Variants in CHCHD6 observed in about 807,000 individuals in gnomAD.
CHCHD6 encodes the protein coiled-coil-helix-coiled-coil-helix domain containing 6, also known as MICOS complex subunit MIC25.
Under a neutral mutation model 32.3 loss-of-function variants are expected in CHCHD6, and 28 were observed. The ratio of observed to expected loss-of-function variants is 0.87; its 90% CI spans 0.64 to 1.19. The LOEUF is 1.19. Among genes scored for constraint, CHCHD6 ranks in the 50% most tolerant of loss-of-function variants. The pLI, the probability that CHCHD6 is intolerant of heterozygous loss-of-function variation, is 0.00. For missense variants in CHCHD6, 333 were observed against 307.0 expected, an observed-to-expected ratio of 1.08 and a Z score of -0.63; for synonymous variants, 122 against 117.5, an observed-to-expected ratio of 1.04 and a Z score of -0.25.
intron 5 of CHCHD6, 24 bp downstream of exon 5, chr3:126,852,754 T>C (rs759215668): frequency 6.5e-7 from 1 of 1,538,772 alleles, no homozygotes; most frequent in South Asian, 1.1e-5. Flanking sequence ...TTGGCTGCAT[T>C]CCTCGGGGCC....
At chr3:126,934,524 C>G (rs932711973) in intron 6 of CHCHD6, among the ~76,000 whole-genome samples, 11 of 149,146 alleles carry the variant, frequency 7.4e-5, no homozygotes, top group Non-Finnish European at 1.5e-4. Flanking sequence ...GGAATGCACC[C>G]TCCCCTCTCT....
intron 7 of CHCHD6, among the ~76,000 whole-genome samples, chr3:126,958,471 A>G (rs2078817833): frequency 6.6e-6 from 1 of 152,220 alleles, no homozygotes; most frequent in African/African-American, 2.4e-5. Context: ...GGCTGAGGCC[A>G]GATGCTCTGT....
chr3:126,724,890 T>C, intron 1 of CHCHD6, among the ~76,000 whole-genome samples: 1 of 152,234 alleles, frequency 6.6e-6, no homozygotes, highest in Admixed American at 6.5e-5. Flanking sequence ...GATCCTGAGA[T>C]TGCAGCAATT....
Position 126,807,309 on chromosome 3 carries a change from T to C in CHCHD6, c.412-45338T>C, listed in dbSNP as rs1033379341. Among the ~76,000 whole-genome samples the C allele has an allele frequency of 4.6e-5, 7 of 152,192 alleles. No homozygotes were observed. In the South Asian group the frequency reaches 1.5e-3, roughly 32 times the overall value. On this transcript the variant is annotated intron_variant, in intron 4 of 7. Coordinates refer to ENST00000290913, the MANE Select transcript of CHCHD6 (RefSeq NM_032343.3). ...ATGCAGAGGAGCAGAAGAAAAAGTT[T>C]TTTTTCTTAAGTTAAATCCACAGAA...
chr3:126,817,255 C>A (rs1182932443), intron 4 of CHCHD6, among the ~76,000 whole-genome samples: 2 of 152,032 alleles, frequency 1.3e-5, no homozygotes, highest in African/African-American at 4.8e-5. Context: ...GCCAGCAGAT[C>A]CTTGTAGAAA....
intron 4 of CHCHD6, among the ~76,000 whole-genome samples, chr3:126,757,391 T>C (rs1465598405): frequency 6.6e-6 from 1 of 152,006 alleles, no homozygotes; most frequent in Non-Finnish European, 1.5e-5. Flanking sequence ...ACTAAAGCAG[T>C]GATGAGGTGG....
intron 4 of CHCHD6, among the ~76,000 whole-genome samples, chr3:126,780,686 C>T (rs1396036080): frequency 6.6e-6 from 1 of 152,166 alleles, no homozygotes; most frequent in Non-Finnish European, 1.5e-5. Flanking sequence ...GGTGCTGTTT[C>T]AGGCCTTTGG....
chr3:126,906,741 A>G (rs768015024), intron 5 of CHCHD6, among the ~76,000 whole-genome samples: 12 of 152,134 alleles, frequency 7.9e-5, no homozygotes, highest in Admixed American at 1.3e-4. Flanking sequence ...CCAGAGCGTT[A>G]GCTCTGTGAA....
intron 3 of CHCHD6, 119 bp downstream of exon 3, chr3:126,730,749 A>C: frequency 1.6e-5 from 12 of 762,836 alleles, no homozygotes; most frequent in Non-Finnish European, 2.4e-5. Flanking sequence ...AATTAATCTC[A>C]GTTGCATTGA....
intron 5 of CHCHD6, among the ~76,000 whole-genome samples, chr3:126,863,673 C>A (rs1942073009): frequency 6.8e-6 from 1 of 147,130 alleles, no homozygotes; most frequent in Non-Finnish European, 1.5e-5. Context: ...CCACCATCAC[C>A]ACCTCCTCCT....
intron 6 of CHCHD6, among the ~76,000 whole-genome samples, chr3:126,933,775 T>C (rs569798154): frequency 1.9e-4 from 29 of 152,346 alleles, no homozygotes; most frequent in Non-Finnish European, 4.0e-4. Context: ...ACATCAATTC[T>C]TCATTCACAC....
chr3:126,929,007 G>C (rs1266282124), intron 6 of CHCHD6, among the ~76,000 whole-genome samples: 1 of 152,176 alleles, frequency 6.6e-6, no homozygotes, highest in Non-Finnish European at 1.5e-5. Flanking sequence ...AACTCTCTCT[G>C]ATGGAAACAG....
At chr3:126,835,584 C>G (rs1940823104) in intron 4 of CHCHD6, among the ~76,000 whole-genome samples, 1 of 152,212 alleles carries the variant, frequency 6.6e-6, no homozygotes, top group Non-Finnish European at 1.5e-5. Context: ...TTCATCACTC[C>G]TGTTCTCTGC....
chr3:126,914,291 G>A (rs1046522273), intron 5 of CHCHD6, among the ~76,000 whole-genome samples: 1 of 152,160 alleles, frequency 6.6e-6, no homozygotes, highest in African/African-American at 2.4e-5. Context: ...AGCTTTGTAG[G>A]TCATGTAGTC....
intron 4 of CHCHD6, among the ~76,000 whole-genome samples, chr3:126,744,009 T>A (rs1172407705): frequency 6.6e-6 from 1 of 152,196 alleles, no homozygotes; most frequent in African/African-American, 2.4e-5. Flanking sequence ...ATGCTTGCTG[T>A]ACCCCTGCTC....
chr3:126,859,733 G>A (rs184618258), intron 5 of CHCHD6, among the ~76,000 whole-genome samples: 5 of 152,246 alleles, frequency 3.3e-5, no homozygotes, highest in Non-Finnish European at 5.9e-5. Context: ...TCAGGTCTGC[G>A]AGACTCCAGA....
In CHCHD6 at chr3:126,867,017, G is replaced by A. The variant is rs193281992; in HGVS notation, c.495+14287G>A. On this transcript the variant is annotated intron_variant, in intron 5 of 7. Coordinates refer to ENST00000290913, the MANE Select transcript of CHCHD6 (RefSeq NM_032343.3). ...CCACCGTGCTGCAGTGAGTTCTTAGGCATTAAGCCTGTCGTCTCCTACAGC... is the reference window on the plus strand; with the variant it reads ...CCACCGTGCTGCAGTGAGTTCTTAGACATTAAGCCTGTCGTCTCCTACAGC... 1.8e-4 allele frequency among the ~76,000 whole-genome samples: 28 copies of A among 152,274 alleles called. No homozygotes were observed. The South Asian group carries it at 3.5e-3, about 19-fold the overall frequency.
intron 5 of CHCHD6, among the ~76,000 whole-genome samples, chr3:126,911,547 G>A (rs189457644): frequency 6.6e-6 from 1 of 152,262 alleles, no homozygotes; most frequent in Non-Finnish European, 1.5e-5. Flanking sequence ...TTAGATGAGT[G>A]GGGTAGGCGG....
At chr3:126,741,192 G>A (rs1337302015) in intron 4 of CHCHD6, among the ~76,000 whole-genome samples, 6 of 152,206 alleles carry the variant, frequency 3.9e-5, no homozygotes, top group African/African-American at 9.7e-5. Flanking sequence ...TGGTTCCTTC[G>A]TGTTTCTATG....
Sources: allele counts gnomAD v4.1 joint callset (sites outside exome capture counted in the v4.1 genomes callset), GRCh38; gene constraint gnomAD v4.1.1; transcripts MANE v1.5; gene names NCBI Gene and HGNC (gene_info 2026-07-23, HGNC 2026-07-21).